The following BTRC variants were observed in gnomAD, a reference collection of about 807,000 sequenced individuals.
BTRC encodes beta-transducin repeat containing E3 ubiquitin protein ligase, also known as F-box/WD repeat-containing protein 1A.
BTRC carries 42 observed loss-of-function variants against 85.5 expected under a neutral mutation model. That is an observed-to-expected ratio of 0.49 (90% CI 0.38 to 0.64). The LOEUF is 0.64. Ranked by LOEUF, BTRC falls within the 30% of genes least tolerant of loss-of-function variation. BTRC has a pLI of 0.00. For missense variants in BTRC, 594 were observed against 743.5 expected (o/e 0.80, Z 2.34); for synonymous variants, 255 against 263.3 (o/e 0.97, Z 0.30).
At chr10:101,375,489 G>C (rs1277169430) in intron 1 of BTRC, among the ~76,000 whole-genome samples, 3 of 152,182 alleles carry the variant, frequency 2.0e-5, no homozygotes, top group African/African-American at 7.2e-5. Flanking sequence ...CTTTATAGCA[G>C]TGCAAAAATG....
At chr10:101,519,921 G>T (rs1221691955) in intron 4 of BTRC, among the ~76,000 whole-genome samples, 1 of 151,980 alleles carries the variant, frequency 6.6e-6, no homozygotes, top group African/African-American at 2.4e-5. Flanking sequence ...CTTGAACCCG[G>T]GAGGCAGAGG....
chr10:101,455,658 AAC>A (rs1047398738), intron 2 of BTRC, among the ~76,000 whole-genome samples: 2 of 152,158 alleles, frequency 1.3e-5, no homozygotes, highest in African/African-American at 4.8e-5. Context: ...AATTAACAAA[AAC>A]ACAGAGATGA....
chr10:101,429,571 CCTT>C (rs1409088686), intron 1 of BTRC, among the ~76,000 whole-genome samples: 1 of 129,530 alleles, frequency 7.7e-6, no homozygotes, highest in African/African-American at 2.9e-5. Context: ...CTCTCTCTCT[CCTT>C]TCTCTCTCTT....
At chr10:101,375,753 A>G (rs17760544) in intron 1 of BTRC, among the ~76,000 whole-genome samples, 41,558 of 152,180 alleles carry the variant, frequency 0.27, 6,799 homozygotes, top group South Asian at 0.41. Context: ...ATTATTTGGA[A>G]TGCATGTTAA....
At chr10:101,367,427 G>A (rs908293633) in intron 1 of BTRC, among the ~76,000 whole-genome samples, 1 of 151,850 alleles carries the variant, frequency 6.6e-6, no homozygotes, top group African/African-American at 2.4e-5. Context: ...GTTAATGTGA[G>A]CTTTTTTACT....
At chr10:101,460,756 G>A (rs935222412) in intron 2 of BTRC, among the ~76,000 whole-genome samples, 3 of 152,168 alleles carry the variant, frequency 2.0e-5, no homozygotes, top group African/African-American at 7.2e-5. Context: ...ACACAGTAAT[G>A]ATTGTATATT....
At chr10:101,438,698 A>G (rs1360515528) in intron 2 of BTRC, among the ~76,000 whole-genome samples, 1 of 152,176 alleles carries the variant, frequency 6.6e-6, no homozygotes. Flanking sequence ...GTAATAAACT[A>G]CAAGGGAAAT....
Position 101,354,248 on chromosome 10 carries a change from C to A in BTRC, c.48+20C>A. On this transcript the variant is annotated intron_variant, in intron 1 of 14. Coordinates refer to ENST00000370187, the MANE Select transcript of BTRC (RefSeq NM_033637.4). ...TTTATGGTGAGGAGACGGTGGAGGC[C>A]GGGGAACGGTGGAGGCGCTGGCGTT... The A allele has an allele frequency of 1.9e-6, 3 of 1,548,390 alleles. No homozygotes were observed. In the Admixed American group the frequency reaches 5.9e-5, roughly 30 times the overall value.
chr10:101,512,322 C>T (rs2061967672), intron 4 of BTRC, among the ~76,000 whole-genome samples: 1 of 152,218 alleles, frequency 6.6e-6, no homozygotes, highest in South Asian at 2.1e-4. Flanking sequence ...TTCCTTAAAG[C>T]CTTTCTCAAA....
At chr10:101,541,663 T>C (rs2062471082) in intron 13 of BTRC, among the ~76,000 whole-genome samples, 1 of 152,222 alleles carries the variant, frequency 6.6e-6, no homozygotes, top group South Asian at 2.1e-4. Flanking sequence ...TTTTGTGAAA[T>C]GCTTTATCTA....
At chr10:101,467,053 A>G (rs1945391831) in intron 3 of BTRC, among the ~76,000 whole-genome samples, 1 of 152,216 alleles carries the variant, frequency 6.6e-6, no homozygotes, top group African/African-American at 2.4e-5. Flanking sequence ...AACCACAACA[A>G]CAAAAAGTCA....
intron 2 of BTRC, among the ~76,000 whole-genome samples, chr10:101,455,983 AACACAC>A (rs745628596): frequency 2.0e-4 from 19 of 95,998 alleles, no homozygotes; most frequent in South Asian, 1.5e-3. Flanking sequence ...CTCTACTAAA[AACACAC>A]ACACACACAC....
chr10:101,496,760 G>A (rs1013277298), intron 4 of BTRC, among the ~76,000 whole-genome samples: 12 of 151,868 alleles, frequency 7.9e-5, no homozygotes, highest in Admixed American at 4.6e-4. Context: ...CTTGTTCAAC[G>A]CATTTGCCCT....
At chr10:101,478,299 T>TA (rs1945744420) in intron 3 of BTRC, among the ~76,000 whole-genome samples, 1 of 146,694 alleles carries the variant, frequency 6.8e-6, no homozygotes. Flanking sequence ...AGACTCCATC[T>TA]CAAAAAAAAA....
chr10:101,414,728 CTAATG>C (rs770865551), intron 1 of BTRC: 1 of 469,690 alleles, frequency 2.1e-6, no homozygotes, highest in Non-Finnish European at 4.2e-6. Flanking sequence ...TGGGCCTAGG[CTAATG>C]TAATGTGTGT....
chr10:101,553,578 T>C lies in BTRC; in HGVS notation c.*455T>C, dbSNP rs754280354. 2.0e-5 allele frequency: 3 copies of C among 152,680 alleles called. No individual in the cohort carries two copies. The highest frequency in any genetic ancestry group is 4.4e-5 in the Non-Finnish European group (3 of 68,122). 9.5% of individuals were successfully genotyped at this position (152,680 alleles called of 1,614,324 possible). On this transcript the variant is annotated 3_prime_UTR_variant, in exon 15 of 15. Transcript: ENST00000370187. The stretch of plus-strand genomic sequence containing the variant: ...CTTCTAGGGTATGGGGGATGCAGCT[T>C]CAAGCCCAGTGCCCAGTGTCTCCCT...
intron 2 of BTRC, among the ~76,000 whole-genome samples, chr10:101,433,249 A>G (rs145367680): frequency 2.1e-3 from 315 of 152,292 alleles, no homozygotes; most frequent in Middle Eastern, 0.01. Context: ...ACATACATAT[A>G]TAGATGTTTA....
chr10:101,407,474 C>T (rs543568396), intron 1 of BTRC, among the ~76,000 whole-genome samples: 1 of 152,214 alleles, frequency 6.6e-6, no homozygotes, highest in Admixed American at 6.5e-5. Flanking sequence ...AGTGAAGTGG[C>T]GTGATCTTGG....
Position 101,533,785 on chromosome 10 carries a change from T to C in BTRC, c.1097+715T>C, listed in dbSNP as rs1194164348. Among the ~76,000 whole-genome samples the C allele has an allele frequency of 3.3e-5, 5 of 152,212 alleles. No individual in the cohort carries two copies. In the East Asian group the frequency reaches 9.6e-4, roughly 29 times the overall value. On this transcript the variant is annotated intron_variant, in intron 9 of 14. Coordinates refer to ENST00000370187, the MANE Select transcript of BTRC (RefSeq NM_033637.4). ...GTTAAATGTTTACCATTCCAAGTTA[T>C]CCTCTGTGAATAGAAAAGACGGTTC...
Sources: allele counts gnomAD v4.1 joint callset (sites outside exome capture counted in the v4.1 genomes callset), GRCh38; gene constraint gnomAD v4.1.1; transcripts MANE v1.5; gene names NCBI Gene and HGNC (gene_info 2026-07-23, HGNC 2026-07-21).